Variants in ADGRE1 observed in about 807,000 individuals in gnomAD.
The protein encoded by ADGRE1 is adhesion G protein-coupled receptor E1.
In ADGRE1, 82 loss-of-function variants were observed where a neutral mutation model predicts 102.7. That is an observed-to-expected ratio of 0.80 (90% CI 0.67 to 0.96). The LOEUF (loss-of-function observed/expected upper bound fraction) is 0.96. Among genes scored for constraint, ADGRE1 ranks in the 40% least tolerant of loss-of-function variants. The pLI is 0.00. For synonymous variants in ADGRE1, 398 were observed against 399.6 expected, an observed-to-expected ratio of 1.00 and a Z score of 0.05; for missense variants, 1,032 against 1,085.3, an observed-to-expected ratio of 0.95 and a Z score of 0.69.
In ADGRE1 at chr19:6,919,748, G is replaced by C; in HGVS notation, c.1620+1G>C. Reference sequence around the variant, plus strand: ...CATCTACACTCTGGAGAACATTCAGGTTTGTGAAGAGGTCTCTACTGAGAT... The same window carrying C: ...CATCTACACTCTGGAGAACATTCAGCTTTGTGAAGAGGTCTCTACTGAGAT... On this transcript the variant is annotated splice_donor_variant, in intron 13 of 20. Transcript: ENST00000312053. LOFTEE classifies it high-confidence loss of function. 6.2e-7 allele frequency: 1 copy of C among 1,613,306 alleles called. No individual in the cohort carries two copies. Among genetic ancestry groups the C allele is most frequent in the Non-Finnish European group, 8.5e-7 (1 of 1,179,492 alleles).
chr19:6,938,693 G>C lies in ADGRE1; in HGVS notation c.2655+1045G>C, dbSNP rs183001411. Among the ~76,000 whole-genome samples the C allele has an allele frequency of 1.6e-4, 24 of 151,932 alleles. No homozygotes were observed. In the East Asian group the frequency reaches 4.6e-3, roughly 29 times the overall value. On this transcript the variant is annotated intron_variant, in intron 20 of 20. Transcript: ENST00000312053. ...GAACCAGTATGCAATGGGGTTGGAA[G>C]AGTGCCTCGGACATAGCAGGATCTC...
At chr19:6,931,569 G>A (rs573641460) in intron 17 of ADGRE1, among the ~76,000 whole-genome samples, 3 of 152,196 alleles carry the variant, frequency 2.0e-5, no homozygotes, top group Admixed American at 6.5e-5. Context: ...AGGCCGAGGC[G>A]GGTGGATCAC....
chr19:6,892,354 A>C (rs146584947), intron 2 of ADGRE1, among the ~76,000 whole-genome samples: 5 of 152,300 alleles, frequency 3.3e-5, no homozygotes, highest in Admixed American at 6.5e-5. Flanking sequence ...TAGTTTTTCC[A>C]TACTCCTAAT....
chr19:6,937,415 T>G lies in ADGRE1; in HGVS notation c.2550+4T>G. 6.2e-7 allele frequency: 1 copy of G among 1,612,274 alleles called. No individual in the cohort carries two copies. Among genetic ancestry groups the G allele is most frequent in the Non-Finnish European group, 8.5e-7 (1 of 1,179,466 alleles). On this transcript the variant is annotated splice_donor_region_variant and intron_variant, in intron 19 of 20. Coordinates refer to ENST00000312053, the MANE Select transcript of ADGRE1 (RefSeq NM_001974.5). ...CCACTGTCTGCTCAACGGCCAGGTGTGTAGCTGCTGCCCTCCCCATCCCCC... is the reference window on the plus strand; with the variant it reads ...CCACTGTCTGCTCAACGGCCAGGTGGGTAGCTGCTGCCCTCCCCATCCCCC...
chr19:6,892,243 G>A (rs1973405805), intron 2 of ADGRE1, among the ~76,000 whole-genome samples: 1 of 152,150 alleles, frequency 6.6e-6, no homozygotes, highest in Non-Finnish European at 1.5e-5. Context: ...GCACATTATA[G>A]GAGCAAAGAA....
In ADGRE1 at chr19:6,913,923, T is replaced by C. The variant is rs900959669; in HGVS notation, c.1300+93T>C. On this transcript the variant is annotated intron_variant, in intron 11 of 20. Coordinates refer to ENST00000312053, the MANE Select transcript of ADGRE1 (RefSeq NM_001974.5). ...GATATTCCCTGGGTTTCCCACCCAT[T>C]CTTTCCCCAACTGTTTAAAAACTTT... 9 of 1,343,082 alleles carry C rather than the reference T, an allele frequency of 6.7e-6. No individual in the cohort carries two copies. In the Middle Eastern group the frequency reaches 7.0e-4, roughly 105 times the overall value. The allele number at this position is 1,343,082 out of a possible 1,614,324, so 83.2% of individuals were successfully genotyped here.
At chr19:6,898,480 C>T in intron 5 of ADGRE1, 1 of 1,584,264 alleles carries the variant, frequency 6.3e-7, no homozygotes, top group Non-Finnish European at 8.7e-7. Context: ...CCTCAGGTTC[C>T]CAGGGATGGG....
At chr19:6,921,686 G>GTT (rs3217675) in intron 13 of ADGRE1, 27 bp from the exon 14 acceptor site, 248 of 1,537,138 alleles carry the variant, frequency 1.6e-4, no homozygotes, top group Non-Finnish European at 2.0e-4. Flanking sequence ...GAAGACCTTT[G>GTT]TTTTTTTGTT....
chr19:6,920,118 T>C (rs959822297), intron 13 of ADGRE1, among the ~76,000 whole-genome samples: 10 of 152,148 alleles, frequency 6.6e-5, no homozygotes, highest in African/African-American at 2.4e-4. Context: ...GCAATCTGAT[T>C]GCATCTTACA....
intron 5 of ADGRE1, among the ~76,000 whole-genome samples, chr19:6,898,860 G>A (rs966983122): frequency 6.6e-6 from 1 of 152,150 alleles, no homozygotes; most frequent in Non-Finnish European, 1.5e-5. Context: ...GCCTGTGGGT[G>A]TCTTTACATG....
chr19:6,891,666 C>A (rs1599708643), intron 2 of ADGRE1, among the ~76,000 whole-genome samples: 1 of 152,112 alleles, frequency 6.6e-6, no homozygotes, highest in East Asian at 1.9e-4. Flanking sequence ...AGAAACCAGG[C>A]TGGTCTTGAA....
intron 9 of ADGRE1, among the ~76,000 whole-genome samples, chr19:6,907,448 T>C (rs1974008071): frequency 6.6e-6 from 1 of 151,930 alleles, no homozygotes; most frequent in African/African-American, 2.4e-5. Context: ...AAGCAATTCT[T>C]CCTGCCTCAG....
intron 17 of ADGRE1, among the ~76,000 whole-genome samples, chr19:6,930,683 G>C (rs1034043393): frequency 6.6e-6 from 1 of 152,016 alleles, no homozygotes; most frequent in Non-Finnish European, 1.5e-5. Flanking sequence ...TGTCACCCAG[G>C]CTGCAGTGCA....
chr19:6,903,940 G>A lies in ADGRE1; in HGVS notation c.792G>A (p.Val264=). Residue 264 remains valine (V), a synonymous_variant, in exon 7 of 21, where the codon GTG becomes GTA. Coordinates refer to ENST00000312053, the MANE Select transcript of ADGRE1 (RefSeq NM_001974.5). ...AGTTGAATTTCACAGACCAAGGAGT[G>A]GAATGTAGAGGTGAGCAGAGAGTTT... is the stretch of plus-strand genomic sequence containing the variant. ...NGQLNFTDQG[V]ECRDIDECRQ... is the part of the protein sequence containing the mutation. 3 of 1,614,158 alleles carry A rather than the reference G, an allele frequency of 1.9e-6. No homozygotes were observed. Among genetic ancestry groups the A allele is most frequent in the Non-Finnish European group, 2.5e-6 (3 of 1,180,034 alleles).
chr19:6,912,132 ACATACATAGG>A (rs1156308640), intron 10 of ADGRE1, among the ~76,000 whole-genome samples: 1 of 151,998 alleles, frequency 6.6e-6, no homozygotes, highest in Admixed American at 6.6e-5. Context: ...AAACACACAT[ACATACATAGG>A]CATACATAGA....
chr19:6,921,822 C>T lies in ADGRE1; in HGVS notation c.1730C>T (p.Thr577Ile). ...CVILEASETY[T>I]ICSCNQMANL... ...ATCCTGGAAGCTTCTGAGACATATA[C>T]CATCTGCAGCTGTAATCAGATGGCA... Residue 577 changes from threonine to isoleucine, a missense_variant, in exon 14 of 21, where the codon ACC (threonine) becomes ATC (isoleucine). Physicochemically the swap from Thr to Ile is moderately conservative, Grantham distance 89 (BLOSUM62 -1). Coordinates refer to ENST00000312053, the MANE Select transcript of ADGRE1 (RefSeq NM_001974.5). The T allele has an allele frequency of 6.2e-7, 1 of 1,614,130 alleles. No homozygotes were observed.
intron 10 of ADGRE1, 136 bp from the exon 11 acceptor site, chr19:6,913,517 A>G: frequency 1.3e-6 from 1 of 765,374 alleles, no homozygotes; most frequent in Non-Finnish European, 1.9e-6. Flanking sequence ...TGAATCAGAA[A>G]AAGGAGCCCG....
intron 10 of ADGRE1, among the ~76,000 whole-genome samples, chr19:6,910,635 A>G (rs78983058): frequency 0.63 from 90,979 of 144,856 alleles, 30,351 homozygotes; most frequent in Non-Finnish European, 0.75. Context: ...GCAATGGCGC[A>G]ATATTGACTC....
chr19:6,904,651 G>T (rs1009822187), intron 8 of ADGRE1, among the ~76,000 whole-genome samples: 5 of 151,470 alleles, frequency 3.3e-5, no homozygotes, highest in Non-Finnish European at 5.9e-5. Context: ...GACTACAGGC[G>T]CCCGCCACCA....
Sources: gnomAD v4.1 joint callset for allele counts (sites outside exome capture counted in the v4.1 genomes callset) on GRCh38, gnomAD v4.1.1 for gene constraint, MANE v1.5 for transcripts, NCBI Gene and HGNC (gene_info 2026-07-23, HGNC 2026-07-21) for gene names.